The following CENPP variants were observed in gnomAD, a reference collection of about 807,000 sequenced individuals.
CENPP encodes centromere protein P.
A neutral mutation model predicts 35.6 loss-of-function variants in CENPP; 24 were observed. The ratio of observed to expected loss-of-function variants is 0.67; its 90% CI spans 0.49 to 0.95. The LOEUF is 0.95. CENPP is among the 40% of genes least tolerant of loss of function. The pLI is 0.00. For missense variants in CENPP, 332 were observed against 345.3 expected (o/e 0.96, Z 0.31); for synonymous variants, 120 against 125.5 (o/e 0.96, Z 0.29).
At chr9:92,460,394 C>CTGGCT (rs1475651051) in intron 5 of CENPP, 1 of 842,050 alleles carries the variant, frequency 1.2e-6, no homozygotes, top group East Asian at 2.6e-5. Flanking sequence ...ACTGGCTAAA[C>CTGGCT]AGACAGTGAT....
At chr9:92,502,566 A>G in intron 5 of CENPP, 1 of 1,612,500 alleles carries the variant, frequency 6.2e-7, no homozygotes, top group Non-Finnish European at 8.5e-7. Context: ...TTTTGTTATA[A>G]CGTAGTACAA....
chr9:92,341,228 A>G (rs1381726919), intron 3 of CENPP, among the ~76,000 whole-genome samples: 2 of 152,190 alleles, frequency 1.3e-5, no homozygotes, highest in East Asian at 1.9e-4. Flanking sequence ...GTTATCAATG[A>G]CAATGGTACC....
chr9:92,551,932 T>TATATATATATATATATG (rs1849599204), intron 5 of CENPP, among the ~76,000 whole-genome samples: 1 of 88,120 alleles, frequency 1.1e-5, no homozygotes, highest in African/African-American at 7.7e-5. Context: ...TGTGTATATA[T>TATATATATATATATATG]ATATATATAT....
intron 5 of CENPP, among the ~76,000 whole-genome samples, chr9:92,503,109 A>C (rs1157877898): frequency 6.6e-6 from 1 of 152,168 alleles, no homozygotes; most frequent in African/African-American, 2.4e-5. Flanking sequence ...TTTTATAACT[A>C]ATTAGTAAAA....
rs1845306293 is a variant in CENPP, at chr9:92,466,222, G to T, written c.564+86363G>T. 3 of 634,952 alleles carry T rather than the reference G, an allele frequency of 4.7e-6. No homozygotes were observed. The South Asian group carries it at 6.1e-5, about 13-fold the overall frequency. 39.3% of individuals were successfully genotyped at this position (634,952 alleles called of 1,614,324 possible). A position where few individuals can be genotyped will look rare whatever the true frequency, so the allele number is the denominator to read the frequency against. On this transcript the variant is annotated intron_variant, in intron 5 of 7. Coordinates refer to ENST00000375587, the MANE Select transcript of CENPP (RefSeq NM_001012267.3). ...AACATTTTGTTGGACATTTTAATTG[G>T]TTTATAAATGGCTTATCTAGGCAAA...
chr9:92,439,667 T>G (rs989001547), intron 5 of CENPP, among the ~76,000 whole-genome samples: 1 of 152,250 alleles, frequency 6.6e-6, no homozygotes, highest in Non-Finnish European at 1.5e-5. Context: ...TGTCTTCCTA[T>G]TATTTTATGG....
At chr9:92,502,644 G>T (rs764699836) in intron 5 of CENPP, 2 of 1,572,248 alleles carry the variant, frequency 1.3e-6, no homozygotes, top group Non-Finnish European at 1.7e-6. Flanking sequence ...TATTTTCTAG[G>T]TATAATTCCT....
In CENPP at chr9:92,407,605, T is replaced by C. The variant is rs140669830; in HGVS notation, c.564+27746T>C. ...TGTATCCAAAGATGAAAGAGTCTTC[T>C]TTGTGGAATTCTTTTTATGAAGGCA... On this transcript the variant is annotated intron_variant, in intron 5 of 7. Coordinates refer to ENST00000375587, the MANE Select transcript of CENPP (RefSeq NM_001012267.3). Among the ~76,000 whole-genome samples the C allele has an allele frequency of 9.7e-3, 1,484 of 152,306 alleles. 13 individuals carry two copies. The highest frequency in any genetic ancestry group is 0.016 in the Non-Finnish European group (1,111 of 68,030).
intron 5 of CENPP, among the ~76,000 whole-genome samples, chr9:92,541,946 G>A (rs993966103): frequency 1.3e-5 from 2 of 151,912 alleles, no homozygotes; most frequent in East Asian, 1.9e-4. Flanking sequence ...AGCATCCGCC[G>A]CCGCACCCAG....
chr9:92,548,421 G>C (rs1363879568), intron 5 of CENPP, among the ~76,000 whole-genome samples: 1 of 152,142 alleles, frequency 6.6e-6, no homozygotes, highest in Non-Finnish European at 1.5e-5. Context: ...CCAATTAGGG[G>C]GTTGTCCACC....
Position 92,476,761 on chromosome 9 carries a change from A to G in CENPP, c.564+96902A>G, listed in dbSNP as rs528390803. Among the ~76,000 whole-genome samples, 10 of 152,334 alleles carry G rather than the reference A, an allele frequency of 6.6e-5. No individual in the cohort carries two copies. In the South Asian group the frequency reaches 1.9e-3, roughly 28 times the overall value. ...TCATCCCTCATAGGAAATGAGGCGTAAAGAGCTTAAGTGACTTGCCCAAAG... is the reference window on the plus strand; with the variant it reads ...TCATCCCTCATAGGAAATGAGGCGTGAAGAGCTTAAGTGACTTGCCCAAAG... On this transcript the variant is annotated intron_variant, in intron 5 of 7. Coordinates refer to ENST00000375587, the MANE Select transcript of CENPP (RefSeq NM_001012267.3). The surrounding 1 kb of genome is among the most constrained non-coding windows in gnomAD (Gnocchi z 4.1).
intron 5 of CENPP, among the ~76,000 whole-genome samples, chr9:92,418,605 G>A (rs1843691194): frequency 6.6e-6 from 1 of 152,060 alleles, no homozygotes; most frequent in African/African-American, 2.4e-5. Context: ...CTTTAATGAT[G>A]GTCACTGCCT....
chr9:92,470,062 C>T (rs192011995), intron 5 of CENPP, among the ~76,000 whole-genome samples: 1 of 152,132 alleles, frequency 6.6e-6, no homozygotes, highest in Admixed American at 6.5e-5. Context: ...CTCTTGGGCT[C>T]AAGTGATCCG....
Position 92,420,823 on chromosome 9 carries a change from C to CCGTTTTTCTTTCTTTTCTGTG in CENPP, c.564+40965_564+40966insGTTTTTCTTTCTTTTCTGTGC, listed in dbSNP as rs879602544. Among the ~76,000 whole-genome samples the CCGTTTTTCTTTCTTTTCTGTG allele has an allele frequency of 9.7e-3, 1,478 of 151,958 alleles. 13 individuals are homozygous for CCGTTTTTCTTTCTTTTCTGTG. The highest frequency in any genetic ancestry group is 0.017 in the Non-Finnish European group (1,122 of 67,966). On this transcript the variant is annotated intron_variant, in intron 5 of 7. Coordinates refer to ENST00000375587, the MANE Select transcript of CENPP (RefSeq NM_001012267.3). Reference sequence around the variant, plus strand: ...TTCTTTGTGCAACTCTATATTACATCCATTTTTCTTTCTTTTCTGTGAGAT... The same window carrying CCGTTTTTCTTTCTTTTCTGTG: ...TTCTTTGTGCAACTCTATATTACATCCGTTTTTCTTTCTTTTCTGTGCATTTTTCTTTCTTTTCTGTGAGAT...
At chr9:92,589,020 A>G (rs1298085519) in intron 5 of CENPP, among the ~76,000 whole-genome samples, 1 of 152,146 alleles carries the variant, frequency 6.6e-6, no homozygotes, top group Non-Finnish European at 1.5e-5. Context: ...TTCAGAATTT[A>G]TAAAGGACAT....
chr9:92,366,766 C>A (rs1337280966), intron 4 of CENPP, among the ~76,000 whole-genome samples: 1 of 152,112 alleles, frequency 6.6e-6, no homozygotes, highest in Non-Finnish European at 1.5e-5. Flanking sequence ...TTTCAAACAT[C>A]TGAGGCTGTT....
intron 5 of CENPP, chr9:92,416,958 A>ACT (rs1843632600): frequency 6.2e-7 from 1 of 1,613,862 alleles, no homozygotes; most frequent in African/African-American, 1.3e-5. Context: ...TTTAGCAGAG[A>ACT]ATCATGAAGA....
intron 5 of CENPP, among the ~76,000 whole-genome samples, chr9:92,550,008 A>C (rs545684627): frequency 6.6e-6 from 1 of 152,356 alleles, no homozygotes; most frequent in Admixed American, 6.5e-5. Flanking sequence ...TAAAACAGAC[A>C]CTGAATCTCT....
intron 5 of CENPP, among the ~76,000 whole-genome samples, chr9:92,429,773 A>T (rs918000239): frequency 6.7e-6 from 1 of 148,694 alleles, no homozygotes; most frequent in South Asian, 2.1e-4. Flanking sequence ...GGTGACAAGA[A>T]CGAAACTCCG....
Sources: allele counts gnomAD v4.1 joint callset (sites outside exome capture counted in the v4.1 genomes callset), GRCh38; gene constraint gnomAD v4.1.1; non-coding constraint Gnocchi (gnomAD v3.1); transcripts MANE v1.5; gene names NCBI Gene and HGNC (gene_info 2026-07-23, HGNC 2026-07-21).